Variants in SETD5 observed in about 807,000 individuals in gnomAD.
SETD5 encodes SET domain containing 5, also known as histone-lysine N-methyltransferase SETD5.
In SETD5, 44 loss-of-function variants were observed where a neutral mutation model predicts 153.3. The ratio of observed to expected loss-of-function variants is 0.29; its 90% confidence interval spans 0.23 to 0.37. The LOEUF is 0.37. Among genes scored for constraint, SETD5 ranks in the 10% least tolerant of loss-of-function variants. The probability of loss-of-function intolerance (pLI) is 1.00; values close to 1 mark genes in which losing one functional copy is unlikely to be tolerated. For missense variants in SETD5, 1,544 were observed against 1,768.0 expected, an observed-to-expected ratio of 0.87 and a Z score of 2.27; for synonymous variants, 716 against 645.2, an observed-to-expected ratio of 1.11 and a Z score of -1.66.
chr3:9,417,496 T>TC (rs1559366500), intron 1 of SETD5, among the ~76,000 whole-genome samples: 5 of 151,544 alleles, frequency 3.3e-5, no homozygotes, highest in African/African-American at 9.7e-5. Context: ...TTTTTTTTTT[T>TC]TCCCCCCGAG....
intron 15 of SETD5, 121 bp from the exon 16 acceptor site, chr3:9,448,267 C>G: frequency 7.0e-7 from 1 of 1,425,296 alleles, no homozygotes; most frequent in South Asian, 1.5e-5. Flanking sequence ...TCTAGTTGCT[C>G]AATTCATTCT....
chr3:9,445,425 G>T (rs746734603), intron 12 of SETD5, 125 bp downstream of exon 12: 7 of 1,083,636 alleles, frequency 6.5e-6, no homozygotes, highest in East Asian at 5.2e-5. Flanking sequence ...TATCAATGTG[G>T]GTTTATTGTG....
Position 9,475,504 on chromosome 3 carries a change from C to T in SETD5, c.3742C>T (p.Arg1248Trp), listed in dbSNP as rs1402788547. 4 of 1,613,366 alleles carry T rather than the reference C, an allele frequency of 2.5e-6. No individual in the cohort carries two copies. The highest frequency in any genetic ancestry group is 2.5e-6 in the Non-Finnish European group (3 of 1,179,462). ...CTAGCTCCTGCAGTGTGATAGTCCT[C>T]GGACAGAATCACAAAGCCTCCTTCA... Reference protein sequence around the residue: ...SYQLLQCDSPRTESQSLLQQS... With the variant: ...SYQLLQCDSPWTESQSLLQQS... The change falls in exon 23 of 23, where the codon CGG becomes TGG. Residue 1248 changes from arginine (R) to tryptophan (W), a missense_variant. Physicochemically the swap from Arg to Trp is moderately radical, Grantham distance 101. Around this residue, in one of 9 missense-constraint regions of SETD5, gnomAD observed 302 missense variants for 277.6 expected, o/e 1.09. Transcript: ENST00000402198.
At chr3:9,420,638 CTT>C (rs2038230313) in intron 1 of SETD5, among the ~76,000 whole-genome samples, 1 of 152,128 alleles carries the variant, frequency 6.6e-6, no homozygotes, top group African/African-American at 2.4e-5. Context: ...GTGTTTCTCT[CTT>C]TTCTTTTTTC....
chr3:9,433,958 T>C lies in SETD5; in HGVS notation c.177+8T>C. 1 of 1,613,690 alleles carries C rather than the reference T, an allele frequency of 6.2e-7. No individual in the cohort carries two copies. The highest frequency in any genetic ancestry group is 1.7e-5 in the Admixed American group (1 of 60,034). ...CGAGGACTGCCTTATGCTGTGAGTA[T>C]GCATTTGTTTCTCTCCAGAACAGTG... On this transcript the variant is annotated splice_region_variant and intron_variant, in intron 4 of 22. Transcript: ENST00000402198.
At chr3:9,411,023 G>C (rs1207386822) in intron 1 of SETD5, among the ~76,000 whole-genome samples, 1 of 151,910 alleles carries the variant, frequency 6.6e-6, no homozygotes, top group African/African-American at 2.4e-5. Context: ...CAAGTAGCTG[G>C]GACTACAGGT....
chr3:9,468,862 C>T (rs2044956089), intron 18 of SETD5, among the ~76,000 whole-genome samples: 1 of 151,594 alleles, frequency 6.6e-6, no homozygotes, highest in Non-Finnish European at 1.5e-5. Context: ...GAGGGGGTGG[C>T]TGGAGTTCTA....
At chr3:9,458,303 C>T (rs2043509823) in intron 17 of SETD5, among the ~76,000 whole-genome samples, 1 of 152,036 alleles carries the variant, frequency 6.6e-6, no homozygotes, top group Non-Finnish European at 1.5e-5. Flanking sequence ...TAGGCACATT[C>T]AAATATATAT....
intron 3 of SETD5, chr3:9,430,941 C>T (rs532176915): frequency 3.1e-5 from 31 of 985,256 alleles, no homozygotes; most frequent in African/African-American, 3.0e-4. Flanking sequence ...TAACTAGCTA[C>T]ATAGTTATGC....
chr3:9,455,077 A>G (rs1434771216), intron 17 of SETD5, among the ~76,000 whole-genome samples: 2 of 152,032 alleles, frequency 1.3e-5, no homozygotes, highest in African/African-American at 4.8e-5. Context: ...AACTAAAATC[A>G]GAACTTTTCT....
At chr3:9,439,762 T>C (rs1175781537) in intron 7 of SETD5, among the ~76,000 whole-genome samples, 1 of 152,182 alleles carries the variant, frequency 6.6e-6, no homozygotes, top group Non-Finnish European at 1.5e-5. Context: ...TTTTCTATAT[T>C]CTCCCTACCT....
chr3:9,457,444 G>A (rs7625021), intron 17 of SETD5, among the ~76,000 whole-genome samples: 9,123 of 151,916 alleles, frequency 0.06, 406 homozygotes, highest in Admixed American at 0.12. Flanking sequence ...CTGAGATCGC[G>A]CCACTGCACT....
At chr3:9,409,645 A>G (rs1415323124) in intron 1 of SETD5, among the ~76,000 whole-genome samples, 1 of 152,158 alleles carries the variant, frequency 6.6e-6, no homozygotes, top group Non-Finnish European at 1.5e-5. Flanking sequence ...CATTCTTTTA[A>G]TGAAAAATGG....
chr3:9,415,276 C>G (rs2037242150), intron 1 of SETD5, among the ~76,000 whole-genome samples: 1 of 152,136 alleles, frequency 6.6e-6, no homozygotes, highest in African/African-American at 2.4e-5. Context: ...TTCATTGAAA[C>G]TGGATCAAAG....
Position 9,475,126 on chromosome 3 carries a change from A to G in SETD5, c.3690A>G (p.Thr1230=). The G allele has an allele frequency of 6.3e-7, 1 of 1,591,052 alleles. No individual in the cohort carries two copies. The highest frequency in any genetic ancestry group is 8.6e-7 in the Non-Finnish European group (1 of 1,168,858). The change falls in exon 22 of 23, where the codon ACA becomes ACG. Residue 1230 remains threonine, a synonymous_variant. Coordinates refer to ENST00000402198, the MANE Select transcript of SETD5 (RefSeq NM_001080517.3). The stretch of plus-strand genomic sequence containing the variant: ...GCTCAGCACTCTCTAAAGGAGCAAC[A>G]GTTTACAGCCCTTCCAGATACAGCT... ...TLSSALSKGA[T]VYSPSRYSYQ...
At position 9,468,147 on chromosome 3, in the gene SETD5, G is replaced by A. The variant is rs548192535; in HGVS notation, c.2725-2312G>A. Reference sequence around the variant, plus strand: ...AAGGTCCATGTAAGGAGGAATAAGGGGTAGGGTGCCCCTCAATAACAAATA... The same window carrying A: ...AAGGTCCATGTAAGGAGGAATAAGGAGTAGGGTGCCCCTCAATAACAAATA... On this transcript the variant is annotated intron_variant, in intron 18 of 22. Coordinates refer to ENST00000402198, the MANE Select transcript of SETD5 (RefSeq NM_001080517.3). 5.3e-5 allele frequency among the ~76,000 whole-genome samples: 8 copies of A among 151,560 alleles called. No individual in the cohort carries two copies. The South Asian group carries it at 1.7e-3, about 32-fold the overall frequency.
chr3:9,437,318 A>T (rs901507140), intron 7 of SETD5, among the ~76,000 whole-genome samples: 19 of 152,198 alleles, frequency 1.2e-4, no homozygotes, highest in African/African-American at 4.6e-4. Context: ...TTCTCTTAGC[A>T]TATCTGTTTG....
At chr3:9,432,189 C>T (rs576508551) in intron 3 of SETD5, 3 of 628,146 alleles carry the variant, frequency 4.8e-6, no homozygotes, top group African/African-American at 2.0e-5. Context: ...TCCCATCTTG[C>T]AGACACTTTT....
chr3:9,441,220 C>G (rs549051472), intron 8 of SETD5, among the ~76,000 whole-genome samples: 4 of 152,078 alleles, frequency 2.6e-5, no homozygotes, highest in East Asian at 1.9e-4. Context: ...ATTTAAAAAA[C>G]AGAGAGAGAG....
Sources: allele counts gnomAD v4.1 joint callset (sites outside exome capture counted in the v4.1 genomes callset), GRCh38; gene constraint gnomAD v4.1.1; regional missense constraint gnomAD v4.1.1; transcripts MANE v1.5; gene names NCBI Gene and HGNC (gene_info 2026-07-23, HGNC 2026-07-21).